Variants in AGMO observed in about 807,000 individuals in gnomAD.
AGMO encodes the protein glyceryl-ether monooxygenase.
A neutral mutation model predicts 60.2 loss-of-function variants in AGMO; 75 were observed. That is an observed-to-expected ratio of 1.25 (90% confidence interval 1.03 to 1.51). The LOEUF (loss-of-function observed/expected upper bound fraction) is 1.51, where lower values mean the gene tolerates loss of function less well. AGMO is among the 40% of genes most tolerant of loss of function. AGMO has a pLI of 0.00. For missense variants in AGMO, 763 were observed against 525.5 expected, an observed-to-expected ratio of 1.45 and a Z score of -4.42; for synonymous variants, 261 against 177.1, an observed-to-expected ratio of 1.47 and a Z score of -3.76.
chr7:15,247,453 C>CAGAGAG (rs1456242367), intron 12 of AGMO, among the ~76,000 whole-genome samples: 1,337 of 117,282 alleles, frequency 0.011, 6 homozygotes, highest in African/African-American at 0.022. Flanking sequence ...CACACACACA[C>CAGAGAG]ACACACAGAG....
rs142835310 is a variant in AGMO, at chr7:15,432,164, A to G, written c.410-1056T>C. Among the ~76,000 whole-genome samples the G allele has an allele frequency of 2.1e-3, 319 of 151,638 alleles. 3 individuals carry two copies. The highest frequency in any genetic ancestry group is 7.3e-3 in the African/African-American group (303 of 41,446). On this transcript the variant is annotated intron_variant, in intron 3 of 12. Transcript: ENST00000342526. Reference sequence around the variant, plus strand: ...GTATAGGTTAGAAATTAAATCTTTTAGGCTTGGATGTATAGGAACTAAACA... The same window carrying G: ...GTATAGGTTAGAAATTAAATCTTTTGGGCTTGGATGTATAGGAACTAAACA...
chr7:15,206,098 G>A (rs1285598943), intron 12 of AGMO, among the ~76,000 whole-genome samples: 1 of 151,994 alleles, frequency 6.6e-6, no homozygotes, highest in Non-Finnish European at 1.5e-5. Flanking sequence ...AGAACCCAAA[G>A]AGAGATTAAG....
At chr7:15,189,890 T>C in the AGMO span, among the ~76,000 whole-genome samples, 2 of 151,570 alleles carry the variant, frequency 1.3e-5, no homozygotes, top group Non-Finnish European at 3.0e-5. Context: ...GTATGTTGTT[T>C]ACCATTTATA....
chr7:15,145,487 TA>T, the AGMO span, among the ~76,000 whole-genome samples: 2 of 152,290 alleles, frequency 1.3e-5, no homozygotes, highest in South Asian at 2.1e-4. Context: ...CATAAGCTTA[TA>T]TGTTCAAAGT....
At chr7:15,510,842 A>T (rs983368380) in intron 3 of AGMO, among the ~76,000 whole-genome samples, 14 of 148,470 alleles carry the variant, frequency 9.4e-5, no homozygotes, top group African/African-American at 3.4e-4. Flanking sequence ...AATATAAACA[A>T]GAGTTTATAT....
intron 3 of AGMO, among the ~76,000 whole-genome samples, chr7:15,488,100 A>T (rs1044767931): frequency 4.6e-5 from 7 of 152,206 alleles, no homozygotes; most frequent in Admixed American, 3.9e-4. Context: ...ATAAGCAAAG[A>T]GCAAGGCATA....
At chr7:15,213,031 G>A (rs562340856) in intron 12 of AGMO, among the ~76,000 whole-genome samples, 1 of 152,092 alleles carries the variant, frequency 6.6e-6, no homozygotes, top group East Asian at 1.9e-4. Flanking sequence ...CATTGAAAAT[G>A]TATCATCGAA....
intron 12 of AGMO, among the ~76,000 whole-genome samples, chr7:15,338,618 TAATAA>T (rs1056944603): frequency 1.2e-4 from 19 of 152,078 alleles, no homozygotes; most frequent in African/African-American, 2.2e-4. Flanking sequence ...ACTTTAAGAC[TAATAA>T]AATATATATA....
intron 12 of AGMO, among the ~76,000 whole-genome samples, chr7:15,321,717 AAAAG>A (rs1394114766): frequency 6.6e-6 from 1 of 152,090 alleles, no homozygotes; most frequent in Non-Finnish European, 1.5e-5. Context: ...TTTAATACAA[AAAAG>A]AAAGAAAAAA....
intron 12 of AGMO, among the ~76,000 whole-genome samples, chr7:15,282,918 G>A (rs1246657550): frequency 6.6e-6 from 1 of 152,126 alleles, no homozygotes; most frequent in Non-Finnish European, 1.5e-5. Flanking sequence ...CAAATCAGAA[G>A]TATTAAGGTC....
At chr7:15,513,565 G>C (rs1030102525) in intron 3 of AGMO, among the ~76,000 whole-genome samples, 3 of 152,086 alleles carry the variant, frequency 2.0e-5, no homozygotes, top group African/African-American at 7.2e-5. Flanking sequence ...TGTCCCCCAA[G>C]ACAATCAGGA....
At chr7:15,150,802 G>C in the AGMO span, among the ~76,000 whole-genome samples, 1 of 152,066 alleles carries the variant, frequency 6.6e-6, no homozygotes, top group Non-Finnish European at 1.5e-5. Context: ...GTTAGTATCA[G>C]AATGATGCTG....
intron 3 of AGMO, among the ~76,000 whole-genome samples, chr7:15,461,950 T>C (rs1486993551): frequency 6.6e-6 from 1 of 152,154 alleles, no homozygotes; most frequent in Non-Finnish European, 1.5e-5. Context: ...TCCTTATTTA[T>C]ATACCACAAA....
At chr7:15,347,546 A>C (rs528486220) in intron 12 of AGMO, among the ~76,000 whole-genome samples, 1 of 151,990 alleles carries the variant, frequency 6.6e-6, no homozygotes, top group Admixed American at 6.6e-5. Flanking sequence ...AGCTTAAAAT[A>C]ATTAAAACCT....
intron 4 of AGMO, among the ~76,000 whole-genome samples, chr7:15,426,456 A>C (rs1562500872): frequency 5.9e-5 from 9 of 152,086 alleles, no homozygotes. Context: ...ACAAACAAAA[A>C]CCAAAATCTT....
intron 12 of AGMO, among the ~76,000 whole-genome samples, chr7:15,241,464 A>G (rs1404804775): frequency 2.0e-4 from 22 of 111,962 alleles, no homozygotes; most frequent in African/African-American, 6.5e-4. Flanking sequence ...CGTCTCAAAA[A>G]AAAAAAAAAA....
chr7:15,506,468 C>T (rs753297364), intron 3 of AGMO, among the ~76,000 whole-genome samples: 2 of 152,036 alleles, frequency 1.3e-5, no homozygotes, highest in African/African-American at 2.4e-5. Context: ...TTATTCCATA[C>T]ATCGGCATTA....
the AGMO span, among the ~76,000 whole-genome samples, chr7:15,142,106 ATTC>A: frequency 9.2e-5 from 14 of 152,284 alleles, no homozygotes; most frequent in African/African-American, 2.9e-4. Context: ...CTGTCATGTT[ATTC>A]TTAATCTCTA....
rs1156524430 is a variant in AGMO at position 15,322,666 on chromosome 7, A to G, written c.1263+42848T>C. Among the ~76,000 whole-genome samples, 24 of 78,402 alleles carry G rather than the reference A, an allele frequency of 3.1e-4. 5 individuals are homozygous for G. Among genetic ancestry groups the G allele is most frequent in the African/African-American group, 1.2e-3 (17 of 14,276 alleles). The allele number at this position is 78,402 out of a possible 152,430, so 51.4% of individuals were successfully genotyped here. ...AATATATAAATATATATATAAATAT[A>G]TATAAATATATGTATATATAAATAT... is the stretch of plus-strand genomic sequence containing the variant. On this transcript the variant is annotated intron_variant, in intron 12 of 12. Coordinates refer to ENST00000342526, the MANE Select transcript of AGMO (RefSeq NM_001004320.2).
Sources: allele counts gnomAD v4.1 joint callset (sites outside exome capture counted in the v4.1 genomes callset), GRCh38; gene constraint gnomAD v4.1.1; transcripts MANE v1.5; gene names NCBI Gene and HGNC (gene_info 2026-07-23, HGNC 2026-07-21).